The following DCUN1D4 variants were observed in gnomAD, a reference collection of about 807,000 sequenced individuals.
The protein encoded by DCUN1D4 is defective in cullin neddylation 1 domain containing 4.
Under a neutral mutation model 47.9 loss-of-function variants are expected in DCUN1D4, and 22 were observed. The ratio of observed to expected loss-of-function variants is 0.46; its 90% CI spans 0.33 to 0.66. The LOEUF (loss-of-function observed/expected upper bound fraction) is 0.66, where lower values mean the gene tolerates loss of function less well. DCUN1D4 is among the 30% of genes least tolerant of loss of function. The probability of loss-of-function intolerance (pLI) is 0.02; values close to 1 mark genes in which losing one functional copy is unlikely to be tolerated. For synonymous variants in DCUN1D4, 121 were observed against 112.2 expected, an observed-to-expected ratio of 1.08 and a Z score of -0.50; for missense variants, 301 against 340.8, an observed-to-expected ratio of 0.88 and a Z score of 0.92.
chr4:51,899,799 T>C (rs1470839032), intron 8 of DCUN1D4, among the ~76,000 whole-genome samples: 1 of 152,244 alleles, frequency 6.6e-6, no homozygotes, highest in African/African-American at 2.4e-5. Context: ...ATGTGAATTT[T>C]AGACGTAAGC....
chr4:51,897,373 T>C (rs1731427681), intron 7 of DCUN1D4, among the ~76,000 whole-genome samples: 1 of 152,226 alleles, frequency 6.6e-6, no homozygotes, highest in African/African-American at 2.4e-5. Context: ...TAGATTCGTG[T>C]GCTCTATTAT....
chr4:51,899,223 A>G, intron 7 of DCUN1D4, 47 bp from the exon 8 acceptor site: 1 of 1,508,582 alleles, frequency 6.6e-7, no homozygotes, highest in Non-Finnish European at 8.8e-7. Flanking sequence ...TTAAAAAAAT[A>G]AATAAATGAA....
the DCUN1D4 span, among the ~76,000 whole-genome samples, chr4:51,837,547 C>T: frequency 6.7e-6 from 1 of 148,344 alleles, no homozygotes; most frequent in Admixed American, 6.8e-5. Context: ...CCCAACTACT[C>T]GGGAGGCTGA....
intron 1 of DCUN1D4, chr4:51,860,467 G>A: frequency 2.5e-6 from 1 of 396,006 alleles, no homozygotes; most frequent in Non-Finnish European, 5.1e-6. Flanking sequence ...TGCCATTCTT[G>A]CATTACTATA....
At chr4:51,893,579 G>A (rs1372936223) in intron 7 of DCUN1D4, among the ~76,000 whole-genome samples, 4 of 151,946 alleles carry the variant, frequency 2.6e-5, no homozygotes, top group East Asian at 1.9e-4. Context: ...AGCAGACACC[G>A]CCACGCCCGG....
At chr4:51,842,104 G>T (rs1432318716), upstream of DCUN1D4, among the ~76,000 whole-genome samples, 2 of 152,178 alleles carry the variant, frequency 1.3e-5, no homozygotes, top group Non-Finnish European at 2.9e-5. Flanking sequence ...CATGGAAATG[G>T]TGCGAATTCT....
chr4:51,862,585 A>C (rs1725240547), intron 1 of DCUN1D4, among the ~76,000 whole-genome samples: 1 of 152,188 alleles, frequency 6.6e-6, no homozygotes, highest in Non-Finnish European at 1.5e-5. Flanking sequence ...ACTAACCTTT[A>C]ATAGGAAAGA....
chr4:51,847,749 C>G (rs1036900830), intron 1 of DCUN1D4, among the ~76,000 whole-genome samples: 1 of 152,064 alleles, frequency 6.6e-6, no homozygotes, highest in Non-Finnish European at 1.5e-5. Flanking sequence ...CCACTGCACC[C>G]GGCTCCAGCT....
Position 51,849,231 on chromosome 4 carries a change from G to C in DCUN1D4, c.25+5964G>C, listed in dbSNP as rs138365737. On this transcript the variant is annotated intron_variant, in intron 1 of 10. Transcript: ENST00000334635. ...CCTGAGGCTGGAGGCAAGGAAAGAA[G>C]AGTAGCCCATGTGGCCATTTTCTGG... is the stretch of plus-strand genomic sequence containing the variant. 2.5e-3 allele frequency among the ~76,000 whole-genome samples: 385 copies of C among 152,298 alleles called. 1 individual carries two copies. The highest frequency in any genetic ancestry group is 8.8e-3 in the African/African-American group (367 of 41,546).
chr4:51,843,342 C>T, intron 1 of DCUN1D4, 75 bp downstream of exon 1: 2 of 1,452,622 alleles, frequency 1.4e-6, no homozygotes, highest in South Asian at 1.3e-5. Context: ...CCGCAGTCCC[C>T]GCCCCACGCC....
At position 51,913,623 on chromosome 4, in the gene DCUN1D4, A is replaced by G; in HGVS notation, c.*39A>G. ...GCAGCGAGAGAGTCACTGTTACCAC[A>G]GTTTTGTCACCCATTAGCCATAAAT... is the stretch of plus-strand genomic sequence containing the variant. On this transcript the variant is annotated 3_prime_UTR_variant, in exon 11 of 11. Coordinates refer to ENST00000334635, the MANE Select transcript of DCUN1D4 (RefSeq NM_001040402.3). 1 of 1,586,400 alleles carries G rather than the reference A, an allele frequency of 6.3e-7. No individual in the cohort carries two copies. Among genetic ancestry groups the G allele is most frequent in the Non-Finnish European group, 8.6e-7 (1 of 1,157,470 alleles).
intron 1 of DCUN1D4, among the ~76,000 whole-genome samples, chr4:51,863,159 A>G (rs1259800090): frequency 6.6e-6 from 1 of 152,238 alleles, no homozygotes; most frequent in Non-Finnish European, 1.5e-5. Context: ...ATTAAGTTCA[A>G]GTTCACTGCT....
chr4:51,834,743 G>A, the DCUN1D4 span, among the ~76,000 whole-genome samples: 2 of 152,064 alleles, frequency 1.3e-5, no homozygotes, highest in Admixed American at 6.5e-5. Flanking sequence ...CTGGGCACCC[G>A]GGACAGGAAG....
chr4:51,852,266 A>G (rs1307472959), intron 1 of DCUN1D4, among the ~76,000 whole-genome samples: 1 of 152,204 alleles, frequency 6.6e-6, no homozygotes, highest in Non-Finnish European at 1.5e-5. Context: ...TCATACTCTT[A>G]ACTAATGAAA....
chr4:51,912,620 A>C (rs1474786728), intron 9 of DCUN1D4, among the ~76,000 whole-genome samples: 1 of 152,244 alleles, frequency 6.6e-6, no homozygotes, highest in Non-Finnish European at 1.5e-5. Flanking sequence ...CTGTATTTTT[A>C]AATAGACACA....
intron 3 of DCUN1D4, among the ~76,000 whole-genome samples, chr4:51,866,404 GATGATGT>G (rs1344645024): frequency 5.8e-4 from 69 of 118,642 alleles, no homozygotes; most frequent in Middle Eastern, 3.7e-3. Flanking sequence ...TGATGATGAT[GATGATGT>G]ATTTTTTCCT....
At chr4:51,889,315 C>G (rs1730056375) in intron 6 of DCUN1D4, among the ~76,000 whole-genome samples, 2 of 152,298 alleles carry the variant, frequency 1.3e-5, no homozygotes, top group Non-Finnish European at 2.9e-5. Context: ...ATGGTGTTTT[C>G]AAGCCTTGTC....
chr4:51,901,492 CCCTGCTT>C (rs1732109631), intron 8 of DCUN1D4, among the ~76,000 whole-genome samples: 2 of 152,202 alleles, frequency 1.3e-5, no homozygotes, highest in South Asian at 4.1e-4. Context: ...TGCTCACTGG[CCCTGCTT>C]CCTGGCCTCT....
chr4:51,901,119 A>T (rs755935854), intron 8 of DCUN1D4, among the ~76,000 whole-genome samples: 1 of 152,050 alleles, frequency 6.6e-6, no homozygotes, highest in African/African-American at 2.4e-5. Context: ...CCCTGTGCTC[A>T]CATCACTAGG....
Sources: gnomAD v4.1 joint callset for allele counts (sites outside exome capture counted in the v4.1 genomes callset) on GRCh38, gnomAD v4.1.1 for gene constraint, MANE v1.5 for transcripts, NCBI Gene and HGNC (gene_info 2026-07-23, HGNC 2026-07-21) for gene names.